The following SENP3 variants were observed in gnomAD, a reference collection of about 807,000 sequenced individuals.
The protein encoded by SENP3 is SUMO specific peptidase 3.
SENP3 carries 11 observed loss-of-function variants against 66.2 expected under a neutral mutation model. That is an observed-to-expected ratio of 0.17 (90% confidence interval 0.10 to 0.28). SENP3 has a LOEUF of 0.28. Among genes scored for constraint, SENP3 ranks in the 10% least tolerant of loss-of-function variants. The pLI is 1.00. For synonymous variants in SENP3, 292 were observed against 277.6 expected (o/e 1.05, Z -0.52); for missense variants, 548 against 743.7 (o/e 0.74, Z 3.06).
Position 7,563,320 on chromosome 17 carries a change from G to A in SENP3, c.244G>A (p.Glu82Lys). 6.4e-7 allele frequency: 1 copy of A among 1,552,616 alleles called. No homozygotes were observed. Among genetic ancestry groups the A allele is most frequent in the Non-Finnish European group, 8.7e-7 (1 of 1,147,438 alleles). Reference sequence around the variant, plus strand: ...AGCAAGTGAAGAGGAGGAAGAAGAGGAGGAGGAGGAGGATGAAGATGAAGA... The same window carrying A: ...AGCAAGTGAAGAGGAGGAAGAAGAGAAGGAGGAGGAGGATGAAGATGAAGA... ...ASASEEEEEE[E>K]EEEDEDEEEE... Residue 82 changes from glutamate (E) to lysine (K), a missense_variant, in exon 2 of 11, where the codon GAG becomes AAG. Around this residue, in one of 6 missense-constraint regions of SENP3, gnomAD observed 164 missense variants for 167.9 expected, o/e 0.98. Coordinates refer to ENST00000321337, the MANE Select transcript of SENP3 (RefSeq NM_015670.6).
At chr17:7,566,807 C>CAA (rs974781500) in intron 6 of SENP3, 120 bp from the exon 7 acceptor site, 17 of 639,884 alleles carry the variant, frequency 2.7e-5, no homozygotes, top group African/African-American at 7.7e-5. Context: ...CTGTCTCTAC[C>CAA]AAAAAAAAAA....
At position 7,563,294 on chromosome 17, in the gene SENP3, C is replaced by T; in HGVS notation, c.218C>T (p.Ser73Leu). 1 of 1,553,294 alleles carries T rather than the reference C, an allele frequency of 6.4e-7. No individual in the cohort carries two copies. Among genetic ancestry groups the T allele is most frequent in the Non-Finnish European group, 8.7e-7 (1 of 1,147,854 alleles). ...GTCCCCCGACCCTCTTTTGATGCCT[C>T]AGCAAGTGAAGAGGAGGAAGAAGAG... ...LPVPRPSFDA[S>L]ASEEEEEEEE... is the part of the protein sequence containing the mutation. The change falls in exon 2 of 11, where the codon TCA (serine) becomes TTA (leucine). Residue 73 changes from serine to leucine, a missense_variant. This residue lies in a region of SENP3 where 164 missense variants were observed against 167.9 expected (regional missense o/e 0.98). Coordinates refer to ENST00000321337, the MANE Select transcript of SENP3 (RefSeq NM_015670.6).
chr17:7,571,071 C>A, intron 10 of SENP3, 138 bp downstream of exon 10: 1 of 745,568 alleles, frequency 1.3e-6, no homozygotes, highest in Non-Finnish European at 2.2e-6. Context: ...CACCAAAACA[C>A]TGGCTTCACT....
At chr17:7,566,826 C>A in intron 6 of SENP3, 101 bp from the exon 7 acceptor site, 2 of 888,328 alleles carry the variant, frequency 2.3e-6, no homozygotes, top group East Asian at 2.6e-5. Flanking sequence ...AAGAAAAAAC[C>A]CAGAATTTGT....
At chr17:7,567,897 T>C (rs544384896) in intron 7 of SENP3, among the ~76,000 whole-genome samples, 1 of 151,996 alleles carries the variant, frequency 6.6e-6, no homozygotes, top group African/African-American at 2.4e-5. Flanking sequence ...AATGACAGAT[T>C]GAAAGGGGGG....
Position 7,564,806 on chromosome 17 carries a change from T to C in SENP3, c.897T>C (p.Pro299=), listed in dbSNP as rs2071254743. ...DLGMAEEAER[P]GEKAGQHSPL... ...GCATGGCAGAAGAGGCAGAGAGGCCTGGGGAGAAAGCCGGCCAGCACAGCC... is the reference window on the plus strand; with the variant it reads ...GCATGGCAGAAGAGGCAGAGAGGCCCGGGGAGAAAGCCGGCCAGCACAGCC... Residue 299 remains proline, a synonymous_variant, in exon 3 of 11, where the codon CCT becomes CCC. Transcript: ENST00000321337. 3.1e-6 allele frequency: 5 copies of C among 1,613,782 alleles called. No individual in the cohort carries two copies. The highest frequency in any genetic ancestry group is 3.4e-6 in the Non-Finnish European group (4 of 1,179,810).
rs956570436 is a variant in SENP3 at position 7,564,771 on chromosome 17, T to C, written c.862T>C (p.Ser288Pro). Residue 288 changes from serine (S) to proline (P), a missense_variant, in exon 3 of 11, where the codon TCA becomes CCA. Coordinates refer to ENST00000321337, the MANE Select transcript of SENP3 (RefSeq NM_015670.6). ...DHVAQELFQGSDLGMAEEAER... is the reference protein window; with the variant it reads ...DHVAQELFQGPDLGMAEEAER... Reference sequence around the variant, plus strand: ...TGTGGCCCAGGAGCTTTTTCAGGGCTCAGATTTGGGCATGGCAGAAGAGGC... The same window carrying C: ...TGTGGCCCAGGAGCTTTTTCAGGGCCCAGATTTGGGCATGGCAGAAGAGGC... 6.2e-6 allele frequency: 10 copies of C among 1,613,950 alleles called. No homozygotes were observed. Among genetic ancestry groups the C allele is most frequent in the Non-Finnish European group, 7.6e-6 (9 of 1,179,878 alleles).
chr17:7,566,124 C>T (rs910438796), intron 6 of SENP3: 4 of 188,874 alleles, frequency 2.1e-5, no homozygotes, highest in Non-Finnish European at 4.5e-5. Context: ...GGTGGATCAC[C>T]TGAGGTCGGG....
chr17:7,565,290 G>A, intron 4 of SENP3, 150 bp from the exon 5 acceptor site: 2 of 915,786 alleles, frequency 2.2e-6, no homozygotes, highest in Non-Finnish European at 3.3e-6. Context: ...TATCTTTCTG[G>A]GGAGTGGGCC....
chr17:7,565,772 C>T lies in SENP3; in HGVS notation c.1263+8C>T. On this transcript the variant is annotated splice_region_variant and intron_variant, in intron 6 of 10. Coordinates refer to ENST00000321337, the MANE Select transcript of SENP3 (RefSeq NM_015670.6). ...GACACAGTCCCTGAAAAGGTAGGCC[C>T]AACCAGATAGGTCAGTACCCAGAGG... 1 of 1,613,700 alleles carries T rather than the reference C, an allele frequency of 6.2e-7. No individual in the cohort carries two copies. Among genetic ancestry groups the T allele is most frequent in the Non-Finnish European group, 8.5e-7 (1 of 1,179,652 alleles).
intron 6 of SENP3, chr17:7,566,033 TAAA>T: frequency 3.4e-6 from 1 of 295,562 alleles, no homozygotes; most frequent in Admixed American, 4.8e-5. Flanking sequence ...AAACAAGATT[TAAA>T]AAAAAAAAGA....
intron 2 of SENP3, 23 bp downstream of exon 2, chr17:7,563,814 G>C: frequency 1.3e-6 from 2 of 1,541,608 alleles, no homozygotes; most frequent in Non-Finnish European, 1.8e-6. Flanking sequence ...AGGGGTGTGG[G>C]GTTGCGGGGG....
In SENP3 at chr17:7,564,444, G is replaced by A. The variant is rs938967151; in HGVS notation, c.716-181G>A. 4 of 813,624 alleles carry A rather than the reference G, an allele frequency of 4.9e-6. No homozygotes were observed. The Admixed American group carries it at 8.0e-5, about 16-fold the overall frequency. The allele number at this position is 813,624 out of a possible 1,614,324, so 50.4% of individuals were successfully genotyped here. On this transcript the variant is annotated intron_variant, in intron 2 of 10. Transcript: ENST00000321337. ...TCTCTCCATCCCTGTAGAATCTCTT[G>A]GACATGTTTATCTCATGCTTATGGG...
rs1302138298 is a variant in SENP3, at chr17:7,565,475, A to G, written c.1103A>G (p.Gln368Arg). ...GLVLQLIQSYQRMPGNAMVRG... is the reference protein window; with the variant it reads ...GLVLQLIQSYRRMPGNAMVRG... ...GTGTTGCAGCTGATCCAGTCTTACC[A>G]GCGGATGCCAGGCAATGCCATGGTG... is the stretch of plus-strand genomic sequence containing the variant. The change falls in exon 5 of 11, where the codon CAG (glutamine) becomes CGG (arginine). Residue 368 changes from glutamine (Q) to arginine (R), a missense_variant. Transcript: ENST00000321337. 1 of 1,613,832 alleles carries G rather than the reference A, an allele frequency of 6.2e-7. No individual in the cohort carries two copies. The highest frequency in any genetic ancestry group is 1.1e-5 in the South Asian group (1 of 91,002).
chr17:7,563,951 C>G (rs1467195850), intron 2 of SENP3, among the ~76,000 whole-genome samples, 160 bp downstream of exon 2: 3 of 152,088 alleles, frequency 2.0e-5, no homozygotes, highest in Admixed American at 2.0e-4. Context: ...CCATTAAGCC[C>G]CACTTTGAGC....
At position 7,563,612 on chromosome 17, in the gene SENP3, T is replaced by G; in HGVS notation, c.536T>G (p.Val179Gly). 6.3e-7 allele frequency: 1 copy of G among 1,593,028 alleles called. No homozygotes were observed. The highest frequency in any genetic ancestry group is 8.5e-7 in the Non-Finnish European group (1 of 1,170,618). Residue 179 changes from valine to glycine, a missense_variant, in exon 2 of 11, where the codon GTG becomes GGG. This residue lies in a region of SENP3 where 215 missense variants were observed against 230.7 expected (regional missense o/e 0.93). Transcript: ENST00000321337. ...SPQQGGATPQ[V>G]PSPCCRFDSP... is the part of the protein sequence containing the mutation. ...CAGCAAGGGGGTGCGACGCCACAGG[T>G]GCCATCCCCCTGTTGTCGTTTTGAC...
In SENP3 at chr17:7,571,554, GTTCCT is replaced by G; in HGVS notation, c.*77_*81del. 2 of 1,012,220 alleles carry G rather than the reference GTTCCT, an allele frequency of 2.0e-6. No homozygotes were observed. Among genetic ancestry groups the G allele is most frequent in the Non-Finnish European group, 1.5e-6 (1 of 647,910 alleles). 62.7% of individuals were successfully genotyped at this position (1,012,220 alleles called of 1,614,324 possible). ...GGGAGTCCCTTCCCAAGAAACTCCA[GTTCCT>G]TTCCTCTCTTGCCTCTTCCCACTCA... is the stretch of plus-strand genomic sequence containing the variant. On this transcript the variant is annotated 3_prime_UTR_variant, in exon 11 of 11. Coordinates refer to ENST00000321337, the MANE Select transcript of SENP3 (RefSeq NM_015670.6).
chr17:7,569,911 A>G (rs563937723), intron 7 of SENP3, among the ~76,000 whole-genome samples: 1 of 152,306 alleles, frequency 6.6e-6, no homozygotes, highest in East Asian at 1.9e-4. Context: ...CACTAGTTTA[A>G]TCCTCATATC....
chr17:7,566,801 C>T, intron 6 of SENP3, 126 bp from the exon 7 acceptor site: 1 of 724,552 alleles, frequency 1.4e-6, no homozygotes, highest in East Asian at 2.7e-5. Flanking sequence ...GAGACCCTGT[C>T]TCTACCAAAA....
Sources: gnomAD v4.1 joint callset for allele counts (sites outside exome capture counted in the v4.1 genomes callset) on GRCh38, gnomAD v4.1.1 for gene constraint, gnomAD v4.1.1 regional missense constraint, MANE v1.5 for transcripts, NCBI Gene and HGNC (gene_info 2026-07-23, HGNC 2026-07-21) for gene names.